CNTNAP4: variants seen among roughly 807,000 people sequenced by gnomAD.
CNTNAP4 encodes contactin-associated protein-like 4.
CNTNAP4 carries 98 observed loss-of-function variants against 148.4 expected under a neutral mutation model. That is an observed-to-expected ratio of 0.66 (90% CI 0.56 to 0.78). CNTNAP4 has a LOEUF of 0.78. Ranked by LOEUF, CNTNAP4 falls within the 30% of genes least tolerant of loss-of-function variation. The probability of loss-of-function intolerance (pLI) is 0.00; values close to 1 mark genes in which losing one functional copy is unlikely to be tolerated. For missense variants in CNTNAP4, 1,935 were observed against 1,565.6 expected (o/e 1.24, Z -3.98); for synonymous variants, 730 against 565.1 (o/e 1.29, Z -4.14).
chr16:76,468,923 T>C (rs1015870575), intron 10 of CNTNAP4, among the ~76,000 whole-genome samples: 3 of 152,216 alleles, frequency 2.0e-5, no homozygotes, highest in African/African-American at 4.8e-5. Flanking sequence ...TAAAACAGTG[T>C]GACCAAATTA....
chr16:76,473,571 AGAC>A (rs1212124137), intron 10 of CNTNAP4, among the ~76,000 whole-genome samples: 6 of 152,146 alleles, frequency 3.9e-5, no homozygotes, highest in Non-Finnish European at 7.4e-5. Flanking sequence ...CAGGAGATCG[AGAC>A]CATCCTGGCT....
At chr16:76,287,158 A>G (rs1042494733) in intron 1 of CNTNAP4, among the ~76,000 whole-genome samples, 1 of 152,230 alleles carries the variant, frequency 6.6e-6, no homozygotes, top group Non-Finnish European at 1.5e-5. Context: ...GGAAAGAACT[A>G]GGGTACATTT....
intron 3 of CNTNAP4, among the ~76,000 whole-genome samples, chr16:76,393,118 A>C (rs1405020378): frequency 7.2e-5 from 11 of 152,146 alleles, no homozygotes. Context: ...CACCAAATTC[A>C]CCAACTACAT....
intron 21 of CNTNAP4, among the ~76,000 whole-genome samples, chr16:76,547,330 C>T (rs2084780363): frequency 1.3e-5 from 2 of 151,958 alleles, no homozygotes; most frequent in African/African-American, 4.8e-5. Context: ...TGTATAAAAC[C>T]TCTCATGGGA....
At chr16:76,455,119 C>G (rs181760854) in intron 8 of CNTNAP4, among the ~76,000 whole-genome samples, 1 of 152,098 alleles carries the variant, frequency 6.6e-6, no homozygotes, top group African/African-American at 2.4e-5. Flanking sequence ...AATCATGAAA[C>G]ATATTAGCAT....
rs1216989263 is a variant in CNTNAP4 at position 76,364,832 on chromosome 16, C to T, written c.390+9321C>T. Among the ~76,000 whole-genome samples the T allele has an allele frequency of 2.6e-5, 4 of 152,070 alleles. No individual in the cohort carries two copies. The East Asian group carries it at 7.7e-4, about 29-fold the overall frequency. Reference sequence around the variant, plus strand: ...ACAACTATTCTGTAGGTTGCCTGTTCAGTCTGATGATAGTTTCTTTTGCTG... The same window carrying T: ...ACAACTATTCTGTAGGTTGCCTGTTTAGTCTGATGATAGTTTCTTTTGCTG... On this transcript the variant is annotated intron_variant, in intron 3 of 23. Transcript: ENST00000611870.
At chr16:76,408,095 A>G (rs925846322) in intron 3 of CNTNAP4, among the ~76,000 whole-genome samples, 1 of 152,038 alleles carries the variant, frequency 6.6e-6, no homozygotes. Flanking sequence ...AAATTAAGGC[A>G]TATACATTTT....
chr16:76,356,229 G>C (rs77408026), intron 3 of CNTNAP4, among the ~76,000 whole-genome samples: 1 of 152,060 alleles, frequency 6.6e-6, no homozygotes, highest in Admixed American at 6.6e-5. Flanking sequence ...TATTTCTTCT[G>C]ATAACTGAGA....
intron 3 of CNTNAP4, among the ~76,000 whole-genome samples, chr16:76,378,109 T>G (rs913930558): frequency 6.6e-6 from 1 of 152,142 alleles, no homozygotes; most frequent in African/African-American, 2.4e-5. Context: ...AGAGTTTCTT[T>G]TGTTTATTGG....
At chr16:76,474,170 A>G (rs1320645127) in intron 10 of CNTNAP4, among the ~76,000 whole-genome samples, 1 of 152,190 alleles carries the variant, frequency 6.6e-6, no homozygotes, top group African/African-American at 2.4e-5. Flanking sequence ...GTGCTTAAAG[A>G]AGTTAGGCTC....
chr16:76,547,914 A>C (rs1003184974), intron 21 of CNTNAP4, among the ~76,000 whole-genome samples: 2 of 152,240 alleles, frequency 1.3e-5, no homozygotes, highest in Non-Finnish European at 2.9e-5. Flanking sequence ...ACCAGCTTCG[A>C]AGCCAAAGGG....
chr16:76,520,180 CAG>C (rs1209167633), intron 15 of CNTNAP4, among the ~76,000 whole-genome samples: 1 of 152,302 alleles, frequency 6.6e-6, no homozygotes, highest in East Asian at 1.9e-4. Flanking sequence ...GCAGACAATA[CAG>C]AGTTTGTTTC....
intron 12 of CNTNAP4, 32 bp from the exon 13 acceptor site, chr16:76,489,651 TCTC>T: frequency 1.6e-6 from 2 of 1,241,922 alleles, no homozygotes; most frequent in South Asian, 1.9e-5. Context: ...CTAGTGATGG[TCTC>T]CTCTCTTTCT....
chr16:76,522,097 G>A lies in CNTNAP4; in HGVS notation c.2595G>A (p.Val865=). ...GGAATGGGCCTTTTGAAATCTCAGT[G>A]CAGTCACCCACCCACTTCAACGACA... ...DVGNGPFEIS[V]QSPTHFNDNQ... is the part of the protein sequence containing the mutation. Residue 865 remains valine, a synonymous_variant, in exon 17 of 24, where the codon GTG becomes GTA. Coordinates refer to ENST00000611870, the MANE Select transcript of CNTNAP4 (RefSeq NM_033401.5). 1 of 1,613,906 alleles carries A rather than the reference G, an allele frequency of 6.2e-7. No individual in the cohort carries two copies. The highest frequency in any genetic ancestry group is 8.5e-7 in the Non-Finnish European group (1 of 1,179,860).
At chr16:76,489,082 A>G (rs1189875754) in intron 12 of CNTNAP4, among the ~76,000 whole-genome samples, 1 of 152,200 alleles carries the variant, frequency 6.6e-6, no homozygotes, top group Non-Finnish European at 1.5e-5. Flanking sequence ...ATGCACACTC[A>G]TAATTAAATG....
In CNTNAP4 at chr16:76,510,021, A is replaced by G; in HGVS notation, c.2366-11119A>G. On this transcript the variant is annotated intron_variant, in intron 15 of 23. Transcript: ENST00000611870. ...CTTTTAAAAGTGTACAGTTCAATCA[A>G]TTTTAGTATATTTAATCATTTTAAT... Among the ~76,000 whole-genome samples, 2 of 65,890 alleles carry G rather than the reference A, an allele frequency of 3.0e-5. 1 individual carries two copies. The highest frequency in any genetic ancestry group is 2.1e-3 in the East Asian group (2 of 962). 43.2% of individuals were successfully genotyped at this position (65,890 alleles called of 152,430 possible).
rs985042459 is a variant in CNTNAP4 at position 76,553,196 on chromosome 16, T to A, written c.3443-87T>A. On this transcript the variant is annotated intron_variant, in intron 21 of 23. Coordinates refer to ENST00000611870, the MANE Select transcript of CNTNAP4 (RefSeq NM_033401.5). ...AGGAATTTAGTAACTTTATTGCTAT[T>A]GCATTAGCTCAGAATCCTCAATTTC... 6 of 690,246 alleles carry A rather than the reference T, an allele frequency of 8.7e-6. No homozygotes were observed. In the African/African-American group the frequency reaches 9.0e-5, roughly 10 times the overall value. 42.8% of individuals were successfully genotyped at this position (690,246 alleles called of 1,614,324 possible).
At chr16:76,314,952 A>G (rs553866305) in intron 1 of CNTNAP4, among the ~76,000 whole-genome samples, 1 of 152,300 alleles carries the variant, frequency 6.6e-6, no homozygotes, top group South Asian at 2.1e-4. Flanking sequence ...CCTAAACAAC[A>G]TACAGTATTA....
intron 13 of CNTNAP4, among the ~76,000 whole-genome samples, chr16:76,494,561 A>G (rs188866447): frequency 1.2e-4 from 18 of 152,260 alleles, no homozygotes; most frequent in Admixed American, 4.6e-4. Flanking sequence ...TATGATTTAT[A>G]TTTTGATGCT....
Sources: gnomAD v4.1 joint callset for allele counts (sites outside exome capture counted in the v4.1 genomes callset) on GRCh38, gnomAD v4.1.1 for gene constraint, MANE v1.5 for transcripts, NCBI Gene and HGNC (gene_info 2026-07-23, HGNC 2026-07-21) for gene names.